Variants in LMO1 observed in about 807,000 individuals in gnomAD.
LMO1 encodes the protein LIM domain only 1.
Under a neutral mutation model 18.0 loss-of-function variants are expected in LMO1, and 10 were observed. The observed-to-expected ratio is 0.55, with a 90% CI of 0.34 to 0.94. LMO1 has a LOEUF of 0.94. Ranked by LOEUF, LMO1 falls within the 40% of genes least tolerant of loss-of-function variation. The pLI is 0.02. For synonymous variants in LMO1, 77 were observed against 77.9 expected (o/e 0.99, Z 0.06); for missense variants, 183 against 205.7 (o/e 0.89, Z 0.68).
intron 3 of LMO1, among the ~76,000 whole-genome samples, chr11:8,225,404 CAAAAAA>C (rs34847129): frequency 1.7e-4 from 6 of 34,720 alleles, no homozygotes; most frequent in Non-Finnish European, 3.8e-4. Flanking sequence ...GACTCCATCT[CAAAAAA>C]AAAAAAAAAA....
upstream of LMO1, among the ~76,000 whole-genome samples, chr11:8,268,061 A>T (rs1324047692): frequency 2.0e-5 from 3 of 152,248 alleles, no homozygotes; most frequent in Non-Finnish European, 4.4e-5. Flanking sequence ...ACTGGCTGGC[A>T]GTGGGCACTG....
intron 1 of LMO1, among the ~76,000 whole-genome samples, chr11:8,259,495 C>G (rs997344657): frequency 6.6e-6 from 1 of 152,256 alleles, no homozygotes; most frequent in African/African-American, 2.4e-5. Flanking sequence ...TCCCGCTCCC[C>G]TGCTTCTAGG....
chr11:8,256,630 G>A (rs953473668), intron 1 of LMO1, among the ~76,000 whole-genome samples: 1 of 152,174 alleles, frequency 6.6e-6, no homozygotes, highest in Admixed American at 6.5e-5. Flanking sequence ...AACACAAAAC[G>A]AACACACTCC....
At chr11:8,256,678 A>T (rs527570758) in intron 1 of LMO1, among the ~76,000 whole-genome samples, 1 of 133,404 alleles carries the variant, frequency 7.5e-6, no homozygotes, top group Non-Finnish European at 1.7e-5. Flanking sequence ...GGTTTGGTGG[A>T]TGTGTCTCTG....
At position 8,263,290 on chromosome 11, in the gene LMO1, CA is replaced by C. The variant is rs775186740; in HGVS notation, c.25+47del. ...GCGTGTGTGTGCCTGCGCGCCGCGG[CA>C]GGGGGCGAGGGGGTGAGGGGCGTCG... is the stretch of plus-strand genomic sequence containing the variant. On this transcript the variant is annotated intron_variant, in intron 1 of 3. Transcript: ENST00000335790. The C allele has an allele frequency of 2.3e-4, 354 of 1,569,412 alleles. 1 individual carries two copies. The highest frequency in any genetic ancestry group is 5.9e-5 in the Non-Finnish European group (68 of 1,160,620).
intron 1 of LMO1, among the ~76,000 whole-genome samples, chr11:8,238,103 T>C (rs1484511028): frequency 6.6e-6 from 1 of 152,188 alleles, no homozygotes; most frequent in Non-Finnish European, 1.5e-5. Flanking sequence ...TCAAAACAGA[T>C]GCACAAAAAT....
intron 1 of LMO1, among the ~76,000 whole-genome samples, chr11:8,235,100 G>C (rs1400393014): frequency 1.3e-5 from 2 of 152,206 alleles, no homozygotes; most frequent in African/African-American, 2.4e-5. Flanking sequence ...ACAGAGTCTG[G>C]TGCCCAGGGC....
At chr11:8,246,231 T>C (rs407072) in intron 1 of LMO1, among the ~76,000 whole-genome samples, 151,502 of 152,310 alleles carry the variant, frequency 0.99, 75,358 homozygotes, top group East Asian at 1. Context: ...TTAACAAAAA[T>C]TTGTACATGA....
chr11:8,264,422 A>C (rs1035312833), upstream of LMO1, among the ~76,000 whole-genome samples: 1 of 152,154 alleles, frequency 6.6e-6, no homozygotes, highest in Non-Finnish European at 1.5e-5. Flanking sequence ...GGCACTAGGG[A>C]TACAGCACTG....
chr11:8,268,330 C>A, upstream of LMO1: 2 of 1,111,142 alleles, frequency 1.8e-6, no homozygotes, highest in East Asian at 3.3e-5. Context: ...AGGGCTCTGC[C>A]GCCGCTAGCG....
intron 1 of LMO1, among the ~76,000 whole-genome samples, chr11:8,253,922 G>A (rs969840052): frequency 6.6e-6 from 1 of 152,118 alleles, no homozygotes; most frequent in Non-Finnish European, 1.5e-5. Flanking sequence ...AGTGAGGGCC[G>A]ACAGAATGCC....
upstream of LMO1, among the ~76,000 whole-genome samples, chr11:8,265,812 T>A (rs924920362): frequency 2.0e-5 from 3 of 152,218 alleles, no homozygotes; most frequent in African/African-American, 7.2e-5. Context: ...ACCTCTGTGC[T>A]ACTGGAGGCG....
chr11:8,225,056 T>C (rs1952510326), intron 3 of LMO1, among the ~76,000 whole-genome samples: 1 of 151,614 alleles, frequency 6.6e-6, no homozygotes, highest in Non-Finnish European at 1.5e-5. Flanking sequence ...CCTACCCCAG[T>C]CCCAGAGAGG....
At chr11:8,249,575 C>T (rs187845843) in intron 1 of LMO1, among the ~76,000 whole-genome samples, 2 of 152,204 alleles carry the variant, frequency 1.3e-5, no homozygotes, top group African/African-American at 4.8e-5. Flanking sequence ...CAGCATCATG[C>T]AGTATGCCCA....
chr11:8,266,122 G>A (rs979126501), upstream of LMO1, among the ~76,000 whole-genome samples: 4 of 152,204 alleles, frequency 2.6e-5, no homozygotes, highest in Non-Finnish European at 5.9e-5. Context: ...CATGCCAGCA[G>A]GGGACTGGTG....
rs541764889 is a variant in LMO1 at position 8,248,416 on chromosome 11, G to A, written c.25+14922C>T. 2.0e-5 allele frequency among the ~76,000 whole-genome samples: 3 copies of A among 152,328 alleles called. No individual in the cohort carries two copies. The East Asian group carries it at 5.8e-4, about 29-fold the overall frequency. On this transcript the variant is annotated intron_variant, in intron 1 of 3. Coordinates refer to ENST00000335790, the MANE Select transcript of LMO1 (RefSeq NM_002315.3). ...CTGGTGGGTCTCCAGGCCCTGGGCA[G>A]CCAGGCAGGAGTGGTGCCCATGCAC... is the stretch of plus-strand genomic sequence containing the variant.
chr11:8,227,279 G>T (rs1049355108), intron 2 of LMO1, among the ~76,000 whole-genome samples, 179 bp from the exon 3 acceptor site: 4 of 152,220 alleles, frequency 2.6e-5, no homozygotes, highest in African/African-American at 9.6e-5. Flanking sequence ...CAGAGATCAG[G>T]CTGCCAATAA....
At chr11:8,239,519 A>G (rs1227248259) in intron 1 of LMO1, among the ~76,000 whole-genome samples, 1 of 152,142 alleles carries the variant, frequency 6.6e-6, no homozygotes, top group Admixed American at 6.5e-5. Flanking sequence ...TTTGAGAAGG[A>G]CAAAGAAGCC....
chr11:8,225,404 C>CAAAAAAAA (rs34847129), intron 3 of LMO1, among the ~76,000 whole-genome samples: 6 of 34,718 alleles, frequency 1.7e-4, no homozygotes, highest in African/African-American at 3.1e-4. Flanking sequence ...GACTCCATCT[C>CAAAAAAAA]AAAAAAAAAA....
Sources: gnomAD v4.1 joint callset for allele counts (sites outside exome capture counted in the v4.1 genomes callset) on GRCh38, gnomAD v4.1.1 for gene constraint, MANE v1.5 for transcripts, NCBI Gene and HGNC (gene_info 2026-07-23, HGNC 2026-07-21) for gene names.